Variants in CXXC4 observed in about 807,000 individuals in gnomAD.
CXXC4 encodes CXXC finger protein 4.
In CXXC4, 5 loss-of-function variants were observed where a neutral mutation model predicts 20.5. That is an observed-to-expected ratio of 0.24 (90% CI 0.13 to 0.51). CXXC4 has a LOEUF of 0.51. Ranked by LOEUF, CXXC4 falls within the 20% of genes least tolerant of loss-of-function variation. The pLI, the probability that CXXC4 is intolerant of heterozygous loss-of-function variation, is 0.97. For missense variants in CXXC4, 419 were observed against 496.4 expected (o/e 0.84, Z 1.48); for synonymous variants, 250 against 216.4 (o/e 1.16, Z -1.36).
intron 2 of CXXC4, among the ~76,000 whole-genome samples, chr4:104,474,865 T>C (rs1328127075): frequency 6.6e-6 from 1 of 152,190 alleles, no homozygotes; most frequent in African/African-American, 2.4e-5. Flanking sequence ...GTCTTAGATA[T>C]ACTTTTAAAT....
At chr4:104,477,219 A>G (rs1736431374) in intron 2 of CXXC4, among the ~76,000 whole-genome samples, 1 of 152,182 alleles carries the variant, frequency 6.6e-6, no homozygotes, top group African/African-American at 2.4e-5. Context: ...TTGTGGCTAC[A>G]TATAAAACTT....
At position 104,470,233 on chromosome 4, in the gene CXXC4, T is replaced by C. The variant is rs977003898; in HGVS notation, c.*2089A>G. ...AGCAGAAGCTGAAATTCTAACTAGA[T>C]AGAAACCCTCAAAGAAATATACATC... On this transcript the variant is annotated 3_prime_UTR_variant, in exon 3 of 3. Transcript: ENST00000394767. The C allele has an allele frequency of 3.3e-5, 5 of 149,742 alleles. No individual in the cohort carries two copies. Among genetic ancestry groups the C allele is most frequent in the African/African-American group, 1.2e-4 (5 of 40,884 alleles). 9.3% of individuals were successfully genotyped at this position (149,742 alleles called of 1,614,324 possible).
chr4:104,487,234 A>T (rs1026412634), intron 2 of CXXC4, among the ~76,000 whole-genome samples: 3 of 152,144 alleles, frequency 2.0e-5, no homozygotes, highest in African/African-American at 7.2e-5. Flanking sequence ...TGTGAAACTT[A>T]CTGCAAAGAG....
In CXXC4 at chr4:104,474,891, C is replaced by T. The variant is rs569725625; in HGVS notation, c.1060-2525G>A. ...ACTTTTAAATCTCTTTTCCAATTCT[C>T]GCTCTTCCTGTGCCCCTTTCAGCTA... On this transcript the variant is annotated intron_variant, in intron 2 of 2. Coordinates refer to ENST00000394767, the MANE Select transcript of CXXC4 (RefSeq NM_025212.4). Among the ~76,000 whole-genome samples the T allele has an allele frequency of 4.6e-5, 7 of 152,148 alleles. No homozygotes were observed. In the East Asian group the frequency reaches 1.2e-3, roughly 25 times the overall value.
Position 104,472,317 on chromosome 4 carries a change from CTG to C in CXXC4, c.*3_*4del, listed in dbSNP as rs1471053469. 1.9e-6 allele frequency: 3 copies of C among 1,596,276 alleles called. No homozygotes were observed. The highest frequency in any genetic ancestry group is 2.6e-6 in the Non-Finnish European group (3 of 1,168,794). ...AATGCCTTGAAAATAAGATATACTA[CTG>C]CTTTAAAAGAACCATCGGAATGCTT... On this transcript the variant is annotated 3_prime_UTR_variant, in exon 3 of 3. Transcript: ENST00000394767.
chr4:104,491,127 T>C lies in CXXC4; in HGVS notation c.676A>G (p.Ile226Val), dbSNP rs1417186509. Residue 226 changes from isoleucine to valine, a missense_variant, in exon 2 of 3, where the codon ATA becomes GTA. Transcript: ENST00000394767. ...CCCACGCGCTCGGGGAGATTCATTA[T>C]CTCTGCTTCAGCAGCGCCGCATTTG... ...KLKCGAAEAE[I>V]MNLPERVGTF... The C allele has an allele frequency of 1.9e-6, 3 of 1,613,902 alleles. No individual in the cohort carries two copies. The highest frequency in any genetic ancestry group is 2.7e-5 in the African/African-American group (2 of 74,896).
rs1470681266 is a variant in CXXC4, at chr4:104,494,836, G to A, written c.-393C>T. 1.3e-5 allele frequency: 2 copies of A among 151,110 alleles called. No homozygotes were observed. Among genetic ancestry groups the A allele is most frequent in the Non-Finnish European group, 2.9e-5 (2 of 67,822 alleles). 9.4% of individuals were successfully genotyped at this position (151,110 alleles called of 1,614,324 possible). A position where few individuals can be genotyped will look rare whatever the true frequency, so the allele number is the denominator to read the frequency against. On this transcript the variant is annotated 5_prime_UTR_variant, in exon 1 of 3. Coordinates refer to ENST00000394767, the MANE Select transcript of CXXC4 (RefSeq NM_025212.4). ...GTATGTGTGAGAGCGCGGGTCTGTT[G>A]TCGGTGGTCTCTCCTCTCCCAGCGC...
chr4:104,470,181 A>G lies in CXXC4; in HGVS notation c.*2141T>C, dbSNP rs950484058. ...TAATGGAAAAGGAAAAAAAAAAAAAAACTCATACAGCTCTCATTGGTCCCA... is the reference window on the plus strand; with the variant it reads ...TAATGGAAAAGGAAAAAAAAAAAAAGACTCATACAGCTCTCATTGGTCCCA... On this transcript the variant is annotated 3_prime_UTR_variant, in exon 3 of 3. Transcript: ENST00000394767. 1 of 120,550 alleles carries G rather than the reference A, an allele frequency of 8.3e-6. No homozygotes were observed. Among genetic ancestry groups the G allele is most frequent in the African/African-American group, 2.5e-5 (1 of 39,478 alleles). 7.5% of individuals were successfully genotyped at this position (120,550 alleles called of 1,614,324 possible). A position where few individuals can be genotyped will look rare whatever the true frequency, so the allele number is the denominator to read the frequency against.
Position 104,491,593 on chromosome 4 carries a change from G to A in CXXC4, c.210C>T (p.Ile70=). 1 of 1,536,786 alleles carries A rather than the reference G, an allele frequency of 6.5e-7. No homozygotes were observed. Among genetic ancestry groups the A allele is most frequent in the Non-Finnish European group, 8.8e-7 (1 of 1,141,398 alleles). ...AAKIARITTP[I]FPSSAAAAAA... Reference sequence around the variant, plus strand: ...CGGCGGCGGCGGCGCTGCTGGGGAAGATGGGGGTGGTGATGCGCGCGATCT... The same window carrying A: ...CGGCGGCGGCGGCGCTGCTGGGGAAAATGGGGGTGGTGATGCGCGCGATCT... Residue 70 remains isoleucine (I), a synonymous_variant, in exon 2 of 3, where the codon ATC becomes ATT. Coordinates refer to ENST00000394767, the MANE Select transcript of CXXC4 (RefSeq NM_025212.4).
chr4:104,476,532 A>G (rs1163930241), intron 2 of CXXC4, among the ~76,000 whole-genome samples: 1 of 152,182 alleles, frequency 6.6e-6, no homozygotes, highest in Non-Finnish European at 1.5e-5. Context: ...CTGCACTTAA[A>G]ACTTTTAATA....
At chr4:104,486,285 T>C (rs1736692964) in intron 2 of CXXC4, among the ~76,000 whole-genome samples, 1 of 152,080 alleles carries the variant, frequency 6.6e-6, no homozygotes, top group Non-Finnish European at 1.5e-5. Flanking sequence ...ACATGATATT[T>C]TGAAGTATAT....
chr4:104,469,460 C>T lies in CXXC4; in HGVS notation c.*2862G>A, dbSNP rs1190535078. 1.3e-5 allele frequency: 2 copies of T among 152,178 alleles called. No homozygotes were observed. Among genetic ancestry groups the T allele is most frequent in the Middle Eastern group, 3.4e-3 (1 of 294 alleles). The allele number at this position is 152,178 out of a possible 1,614,324, so 9.4% of individuals were successfully genotyped here. On this transcript the variant is annotated 3_prime_UTR_variant, in exon 3 of 3. Transcript: ENST00000394767. The stretch of plus-strand genomic sequence containing the variant: ...TTATTAAGTTGTGTATAGCTGTCCA[C>T]ACAATCTACATTCTGAATTTTCTTG...
chr4:104,483,004 T>G (rs1423256624), intron 2 of CXXC4, among the ~76,000 whole-genome samples: 2 of 152,090 alleles, frequency 1.3e-5, no homozygotes, highest in African/African-American at 2.4e-5. Context: ...TGAATTTTAA[T>G]GCAGAAGAGA....
In CXXC4 at chr4:104,490,218, AG is replaced by A. The variant is rs1736807795; in HGVS notation, c.1059+525del. On this transcript the variant is annotated intron_variant, in intron 2 of 2. Coordinates refer to ENST00000394767, the MANE Select transcript of CXXC4 (RefSeq NM_025212.4). ...TAGAAAAATGATTCTAGAAAAGGGT[AG>A]GAAATCCCCTTCTGAATCCAGGTGT... Among the ~76,000 whole-genome samples the A allele has an allele frequency of 2.6e-5, 4 of 152,360 alleles. No individual in the cohort carries two copies. In the South Asian group the frequency reaches 8.3e-4, roughly 32 times the overall value.
rs1227254107 is a variant in CXXC4 at position 104,468,974 on chromosome 4, C to A, written c.*3348G>T. The A allele has an allele frequency of 6.6e-6, 1 of 151,978 alleles. No individual in the cohort carries two copies. Among genetic ancestry groups the A allele is most frequent in the Non-Finnish European group, 1.5e-5 (1 of 67,972 alleles). 9.4% of individuals were successfully genotyped at this position (151,978 alleles called of 1,614,324 possible). ...GAATATTCCTTTCTTTTAGTGATTG[C>A]TTAATATTAATTCATAATAAGTGCA... On this transcript the variant is annotated 3_prime_UTR_variant, in exon 3 of 3. Coordinates refer to ENST00000394767, the MANE Select transcript of CXXC4 (RefSeq NM_025212.4).
intron 2 of CXXC4, among the ~76,000 whole-genome samples, chr4:104,489,962 A>G (rs1736797537): frequency 6.6e-6 from 1 of 152,186 alleles, no homozygotes; most frequent in Non-Finnish European, 1.5e-5. Flanking sequence ...CCCAGGGGAA[A>G]TACTTTTTTT....
rs1736297881 is a variant in CXXC4, at chr4:104,472,342, C to T, written c.1084G>A (p.Ala362Thr). The T allele has an allele frequency of 6.2e-7, 1 of 1,605,840 alleles. No homozygotes were observed. The highest frequency in any genetic ancestry group is 8.5e-7 in the Non-Finnish European group (1 of 1,175,368). Reference protein sequence around the residue: ...LERTPVPSAEAFRWFF With the variant: ...LERTPVPSAETFRWFF ...CTGCTTTAAAAGAACCATCGGAATG[C>T]TTCAGCGCTGGGAACAGGTGTTCTC... The change falls in exon 3 of 3, where the codon GCA becomes ACA. Residue 362 changes from alanine to threonine, a missense_variant. By Grantham distance (58) the Ala-to-Thr change is moderately conservative. Coordinates refer to ENST00000394767, the MANE Select transcript of CXXC4 (RefSeq NM_025212.4).
In CXXC4 at chr4:104,491,217, T is replaced by C; in HGVS notation, c.586A>G (p.Asn196Asp). ...PEPSLQMANT[N>D]FLSTLSPEHC... ...TCAGGGGATAAGGTGGAGAGGAAAT[T>C]AGTATTTGCCATTTGCAACGACGGC... Residue 196 changes from asparagine (N) to aspartate (D), a missense_variant, in exon 2 of 3, where the codon AAT becomes GAT. This residue lies in a region of CXXC4 where 388 missense variants were observed against 416.0 expected (regional missense o/e 0.93). Coordinates refer to ENST00000394767, the MANE Select transcript of CXXC4 (RefSeq NM_025212.4). 6.2e-7 allele frequency: 1 copy of C among 1,613,178 alleles called. No homozygotes were observed. The highest frequency in any genetic ancestry group is 8.5e-7 in the Non-Finnish European group (1 of 1,179,852).
chr4:104,491,316 C>T lies in CXXC4; in HGVS notation c.487G>A (p.Gly163Ser). Reference sequence around the variant, plus strand: ...TGCATGCTGGTCCTGCTGCCGCCGCCGCCGCCGCCGCCGCCACCGCCGGCG... The same window carrying T: ...TGCATGCTGGTCCTGCTGCCGCCGCTGCCGCCGCCGCCGCCACCGCCGGCG... ...LPAGGGGGGGGGGSRTSMHHR... is the reference protein window; with the variant it reads ...LPAGGGGGGGSGGSRTSMHHR... The change falls in exon 2 of 3, where the codon GGC (glycine) becomes AGC (serine). Residue 163 changes from glycine to serine, a missense_variant. Physicochemically the swap from Gly to Ser is moderately conservative, Grantham distance 56. Coordinates refer to ENST00000394767, the MANE Select transcript of CXXC4 (RefSeq NM_025212.4). 6.5e-7 allele frequency: 1 copy of T among 1,549,822 alleles called. No homozygotes were observed. Among genetic ancestry groups the T allele is most frequent in the Non-Finnish European group, 8.7e-7 (1 of 1,150,814 alleles).
Sources: allele counts gnomAD v4.1 joint callset (sites outside exome capture counted in the v4.1 genomes callset), GRCh38; gene constraint gnomAD v4.1.1; regional missense constraint gnomAD v4.1.1; transcripts MANE v1.5; gene names NCBI Gene and HGNC (gene_info 2026-07-23, HGNC 2026-07-21).